The following RALGPS1 variants were observed in gnomAD, a reference collection of about 807,000 sequenced individuals.
RALGPS1 encodes the protein Ral GEF with PH domain and SH3 binding motif 1, also known as ras-specific guanine nucleotide-releasing factor RalGPS1.
In RALGPS1, 19 loss-of-function variants were observed where a neutral mutation model predicts 78.8. That is an observed-to-expected ratio of 0.24 (90% confidence interval 0.17 to 0.35). The LOEUF (loss-of-function observed/expected upper bound fraction) is 0.35. RALGPS1 is among the 10% of genes least tolerant of loss of function. The pLI, the probability that RALGPS1 is intolerant of heterozygous loss-of-function variation, is 1.00. For missense variants in RALGPS1, 454 were observed against 688.3 expected (o/e 0.66, Z 3.81); for synonymous variants, 228 against 256.3 (o/e 0.89, Z 1.06).
rs762634816 is a variant in RALGPS1 at position 127,069,433 on chromosome 9, T to G, written c.610+77T>G. 7 of 1,547,308 alleles carry G rather than the reference T, an allele frequency of 4.5e-6. No individual in the cohort carries two copies. In the South Asian group the frequency reaches 5.9e-5, roughly 13 times the overall value. On this transcript the variant is annotated intron_variant, in intron 8 of 18. Transcript: ENST00000259351. Reference sequence around the variant, plus strand: ...ATAAGATGTTTTTACAGTTTCTACCTGAAAAATTTCCAGGAAGCGACATGG... The same window carrying G: ...ATAAGATGTTTTTACAGTTTCTACCGGAAAAATTTCCAGGAAGCGACATGG...
At chr9:127,130,310 G>A (rs546087039) in intron 8 of RALGPS1, among the ~76,000 whole-genome samples, 1 of 152,348 alleles carries the variant, frequency 6.6e-6, no homozygotes, top group South Asian at 2.1e-4. Flanking sequence ...CAATATTGGA[G>A]ACATAGCAGG....
chr9:127,188,308 C>T (rs1490018266), intron 11 of RALGPS1, among the ~76,000 whole-genome samples: 6 of 152,050 alleles, frequency 3.9e-5, no homozygotes, highest in Non-Finnish European at 8.8e-5. Flanking sequence ...GTGATCCGCC[C>T]GAGCCTCAAA....
At chr9:126,984,127 CAG>C (rs1451621907) in intron 4 of RALGPS1, among the ~76,000 whole-genome samples, 1 of 152,116 alleles carries the variant, frequency 6.6e-6, no homozygotes, top group African/African-American at 2.4e-5. Context: ...TTTTCAGAGA[CAG>C]AGTCTTGCTC....
chr9:126,923,049 G>A (rs1752985759), intron 1 of RALGPS1, among the ~76,000 whole-genome samples: 1 of 152,162 alleles, frequency 6.6e-6, no homozygotes, highest in African/African-American at 2.4e-5. Flanking sequence ...CCTAGCATCC[G>A]GCCTGTAGTA....
chr9:127,013,224 G>A (rs1680153718), intron 4 of RALGPS1, among the ~76,000 whole-genome samples: 1 of 152,206 alleles, frequency 6.6e-6, no homozygotes, highest in South Asian at 2.1e-4. Flanking sequence ...GAGGAGCTTT[G>A]TGGGAAGTAA....
intron 18 of RALGPS1, chr9:127,217,583 T>A: frequency 3.1e-6 from 1 of 325,692 alleles, no homozygotes; most frequent in Non-Finnish European, 4.4e-6. Flanking sequence ...ATAAAACACC[T>A]TATTGCCACC....
In RALGPS1 at chr9:127,034,526, C is replaced by T. The variant is rs2046692770; in HGVS notation, c.300+12C>T. ...GGAGGTTTAACCAGGTAAGCAACAC[C>T]CCTTGCATGTGCCTATCCAGAGAGC... On this transcript the variant is annotated intron_variant, in intron 5 of 18. Transcript: ENST00000259351. The T allele has an allele frequency of 6.2e-7, 1 of 1,610,330 alleles. No homozygotes were observed. The highest frequency in any genetic ancestry group is 8.5e-7 in the Non-Finnish European group (1 of 1,176,592).
chr9:127,189,337 G>A (rs1292852096), intron 11 of RALGPS1, among the ~76,000 whole-genome samples: 1 of 152,174 alleles, frequency 6.6e-6, no homozygotes, highest in South Asian at 2.1e-4. Flanking sequence ...CCAGAGGCGA[G>A]GCCGCTTTGG....
chr9:126,967,312 C>T (rs575717157), intron 3 of RALGPS1, among the ~76,000 whole-genome samples: 1 of 152,230 alleles, frequency 6.6e-6, no homozygotes, highest in Non-Finnish European at 1.5e-5. Flanking sequence ...GCCCCCACCT[C>T]TGTGCTCTCC....
At chr9:127,096,363 C>T (rs769449633) in intron 8 of RALGPS1, among the ~76,000 whole-genome samples, 9 of 152,182 alleles carry the variant, frequency 5.9e-5, no homozygotes, top group Admixed American at 1.3e-4. Flanking sequence ...AGAGGCCGTT[C>T]GATGTGAATG....
intron 4 of RALGPS1, among the ~76,000 whole-genome samples, chr9:127,033,308 C>G (rs910520346): frequency 4.6e-5 from 7 of 152,202 alleles, no homozygotes; most frequent in African/African-American, 1.7e-4. Context: ...CAGGCTCCCA[C>G]CAAGCCCCTG....
intron 8 of RALGPS1, among the ~76,000 whole-genome samples, chr9:127,125,235 T>C (rs148526588): frequency 1.9e-3 from 292 of 152,370 alleles, no homozygotes; most frequent in Admixed American, 3.9e-3. Context: ...CAAAAAGCTC[T>C]TGTAGTTTCT....
intron 1 of RALGPS1, among the ~76,000 whole-genome samples, chr9:126,960,300 C>A (rs1323237701): frequency 6.8e-6 from 1 of 147,688 alleles, no homozygotes; most frequent in African/African-American, 2.5e-5. Flanking sequence ...GTGGTGAGAT[C>A]TTGGCTCACT....
chr9:127,051,635 CAT>C (rs1402067836), intron 6 of RALGPS1, among the ~76,000 whole-genome samples: 2 of 152,150 alleles, frequency 1.3e-5, no homozygotes, highest in Admixed American at 6.5e-5. Flanking sequence ...GTATTTAGCT[CAT>C]GTGGTGAGAG....
chr9:127,046,129 T>C (rs1228395764), intron 5 of RALGPS1, among the ~76,000 whole-genome samples: 1 of 152,186 alleles, frequency 6.6e-6, no homozygotes, highest in Non-Finnish European at 1.5e-5. Flanking sequence ...TAAATAATAG[T>C]ATTGGATTGT....
intron 7 of RALGPS1, among the ~76,000 whole-genome samples, chr9:127,063,161 A>T (rs1014461174): frequency 5.9e-5 from 9 of 152,164 alleles, no homozygotes; most frequent in African/African-American, 1.7e-4. Context: ...ATTTGGAGAA[A>T]TTTTTTTCTC....
chr9:127,086,867 G>A (rs1403141684), intron 8 of RALGPS1, among the ~76,000 whole-genome samples: 1 of 152,172 alleles, frequency 6.6e-6, no homozygotes, highest in African/African-American at 2.4e-5. Flanking sequence ...GAGACTCCTG[G>A]TCTGGAGCCT....
chr9:126,919,641 T>C (rs1337116375), intron 1 of RALGPS1, among the ~76,000 whole-genome samples: 5 of 152,216 alleles, frequency 3.3e-5, no homozygotes, highest in African/African-American at 9.6e-5. Context: ...GATCATGCTA[T>C]GCAAAGTACA....
chr9:127,137,438 G>A (rs1411416187), intron 8 of RALGPS1, among the ~76,000 whole-genome samples: 2 of 152,250 alleles, frequency 1.3e-5, no homozygotes, highest in African/African-American at 4.8e-5. Context: ...TGACTGGGGG[G>A]AAGTCACTCC....
Sources: gnomAD v4.1 joint callset for allele counts (sites outside exome capture counted in the v4.1 genomes callset) on GRCh38, gnomAD v4.1.1 for gene constraint, MANE v1.5 for transcripts, NCBI Gene and HGNC (gene_info 2026-07-23, HGNC 2026-07-21) for gene names.